The following DIAPH1 variants were observed in gnomAD, a reference collection of about 807,000 sequenced individuals.
The protein encoded by DIAPH1 is diaphanous related formin 1, also known as protein diaphanous homolog 1.
DIAPH1 carries 46 observed loss-of-function variants against 140.7 expected under a neutral mutation model. The ratio of observed to expected loss-of-function variants is 0.33; its 90% CI spans 0.26 to 0.42. The LOEUF (loss-of-function observed/expected upper bound fraction) is 0.42. Among genes scored for constraint, DIAPH1 ranks in the 10% least tolerant of loss-of-function variants. The pLI is 1.00. For synonymous variants in DIAPH1, 565 were observed against 551.6 expected (o/e 1.02, Z -0.34); for missense variants, 1,310 against 1,558.7 (o/e 0.84, Z 2.69).
chr5:141,527,523 G>A, intron 24 of DIAPH1, 50 bp downstream of exon 24: 1 of 1,607,106 alleles, frequency 6.2e-7, no homozygotes, highest in South Asian at 1.1e-5. Context: ...ACTACAGGAA[G>A]TTTTCTTTCC....
At chr5:141,598,042 G>C (rs904342215) in intron 1 of DIAPH1, among the ~76,000 whole-genome samples, 10 of 152,302 alleles carry the variant, frequency 6.6e-5, no homozygotes, top group African/African-American at 2.4e-4. Flanking sequence ...CCTTACTTAT[G>C]TCCTGGCCAA....
chr5:141,555,356 G>GTTCA (rs1300128071), intron 18 of DIAPH1, among the ~76,000 whole-genome samples: 1 of 152,192 alleles, frequency 6.6e-6, no homozygotes, highest in Non-Finnish European at 1.5e-5. Context: ...GGTAGGCCTG[G>GTTCA]TTCAACTTTG....
intron 1 of DIAPH1, among the ~76,000 whole-genome samples, chr5:141,610,014 G>C (rs908559090): frequency 6.6e-6 from 1 of 152,222 alleles, no homozygotes; most frequent in Non-Finnish European, 1.5e-5. Flanking sequence ...AGAAAAGAGA[G>C]AAGCCGAGCA....
At chr5:141,580,498 GAT>G (rs1460172398) in intron 8 of DIAPH1, among the ~76,000 whole-genome samples, 2 of 151,762 alleles carry the variant, frequency 1.3e-5, no homozygotes, top group African/African-American at 4.8e-5. Context: ...AGACAATACA[GAT>G]ATTAATGGAG....
At chr5:141,582,157 G>T (rs529415141) in intron 7 of DIAPH1, 155 bp downstream of exon 7, 8 of 592,706 alleles carry the variant, frequency 1.3e-5, no homozygotes, top group Non-Finnish European at 2.5e-5. Flanking sequence ...ATCCACAGAA[G>T]CATGTATATG....
chr5:141,571,805 A>G lies in DIAPH1; in HGVS notation c.2473+121T>C, dbSNP rs759211802. ...TTTCTTTTGAATGGGAAAATCCATC[A>G]GTCTTCCATCCAACATACCCTTTCT... On this transcript the variant is annotated intron_variant, in intron 17 of 27. Coordinates refer to ENST00000389054, the MANE Select transcript of DIAPH1 (RefSeq NM_005219.5). The G allele has an allele frequency of 5.0e-6, 4 of 800,832 alleles. No homozygotes were observed. In the Admixed American group the frequency reaches 7.1e-5, roughly 14 times the overall value. 49.6% of individuals were successfully genotyped at this position (800,832 alleles called of 1,614,324 possible).
intron 1 of DIAPH1, chr5:141,618,572 G>C (rs374808658): frequency 2.2e-6 from 1 of 448,272 alleles, no homozygotes; most frequent in South Asian, 2.8e-5. Flanking sequence ...GCTGGGGAAC[G>C]AGGGAAGCCC....
intron 1 of DIAPH1, among the ~76,000 whole-genome samples, chr5:141,614,462 C>T (rs974934696): frequency 6.6e-6 from 1 of 152,060 alleles, no homozygotes; most frequent in African/African-American, 2.4e-5. Flanking sequence ...TATTCTGACC[C>T]GTGCACCCAT....
chr5:141,533,303 T>G (rs1056180398), intron 19 of DIAPH1, among the ~76,000 whole-genome samples: 2 of 152,190 alleles, frequency 1.3e-5, no homozygotes, highest in Non-Finnish European at 2.9e-5. Flanking sequence ...GGTAGATGAG[T>G]AATTAAAAAG....
intron 18 of DIAPH1, chr5:141,536,030 T>C (rs1481514591): frequency 4.3e-6 from 2 of 469,300 alleles, no homozygotes; most frequent in Admixed American, 2.4e-5. Context: ...CTGGGCACAG[T>C]GGCTCACACC....
chr5:141,561,168 C>CA (rs1275795004), intron 18 of DIAPH1, among the ~76,000 whole-genome samples: 1 of 152,032 alleles, frequency 6.6e-6, no homozygotes, highest in East Asian at 1.9e-4. Context: ...CAAACACACA[C>CA]ACAGGAGAGT....
chr5:141,589,904 C>T (rs922346474), intron 1 of DIAPH1, among the ~76,000 whole-genome samples: 19 of 152,028 alleles, frequency 1.2e-4, no homozygotes, highest in Middle Eastern at 3.4e-3. Context: ...TGTCCTTAGA[C>T]GAGTATAGTA....
At chr5:141,563,375 C>A (rs2099893887) in intron 18 of DIAPH1, 1 of 152,036 alleles carries the variant, frequency 6.6e-6, no homozygotes, top group African/African-American at 2.4e-5. Context: ...TTATATAATA[C>A]CTATTCAGAT....
intron 27 of DIAPH1, chr5:141,518,892 G>C: frequency 6.6e-7 from 1 of 1,522,032 alleles, no homozygotes; most frequent in East Asian, 2.5e-5. Context: ...TTCATCCCAG[G>C]AGAGGCTGCC....
At chr5:141,518,312 GAA>G (rs55840265) in intron 27 of DIAPH1, among the ~76,000 whole-genome samples, 4,322 of 115,328 alleles carry the variant, frequency 0.037, 72 homozygotes, top group East Asian at 0.064. Flanking sequence ...AGCTCAATTG[GAA>G]AAAAAAAAAA....
intron 18 of DIAPH1, among the ~76,000 whole-genome samples, chr5:141,551,548 A>G (rs2099891683): frequency 6.6e-6 from 1 of 152,246 alleles, no homozygotes; most frequent in Non-Finnish European, 1.5e-5. Context: ...AGAAAAGGGT[A>G]AGACAAAGGT....
chr5:141,574,416 A>G (rs2099895647), intron 15 of DIAPH1, among the ~76,000 whole-genome samples: 1 of 152,216 alleles, frequency 6.6e-6, no homozygotes, highest in Non-Finnish European at 1.5e-5. Context: ...TTCTTAGTTC[A>G]GCATGCTTTG....
intron 18 of DIAPH1, among the ~76,000 whole-genome samples, chr5:141,554,815 C>T: frequency 6.6e-6 from 1 of 150,874 alleles, no homozygotes; most frequent in South Asian, 2.1e-4. Context: ...CTCAACAATA[C>T]AAAAAAAAAC....
chr5:141,558,559 CGCACG>C, intron 18 of DIAPH1: 1 of 152,268 alleles, frequency 6.6e-6, no homozygotes, highest in Non-Finnish European at 1.5e-5. Flanking sequence ...CAGTTGTATC[CGCACG>C]GCTGGAAGAC....
Sources: gnomAD v4.1 joint callset for allele counts (sites outside exome capture counted in the v4.1 genomes callset) on GRCh38, gnomAD v4.1.1 for gene constraint, MANE v1.5 for transcripts, NCBI Gene and HGNC (gene_info 2026-07-23, HGNC 2026-07-21) for gene names.